Variants in ADGRG6 observed in about 807,000 individuals in gnomAD.
ADGRG6 encodes adhesion G protein-coupled receptor G6, also known as G-protein coupled receptor 126.
A neutral mutation model predicts 142.4 loss-of-function variants in ADGRG6; 84 were observed. The observed-to-expected ratio is 0.59, with a 90% confidence interval of 0.49 to 0.71. ADGRG6 has a LOEUF of 0.71. Ranked by LOEUF, ADGRG6 falls within the 30% of genes least tolerant of loss-of-function variation. The probability of loss-of-function intolerance (pLI) is 0.00; values close to 1 mark genes in which losing one functional copy is unlikely to be tolerated. For missense variants in ADGRG6, 1,367 were observed against 1,466.6 expected, an observed-to-expected ratio of 0.93 and a Z score of 1.11; for synonymous variants, 521 against 520.5, an observed-to-expected ratio of 1.00 and a Z score of -0.01.
intron 2 of ADGRG6, among the ~76,000 whole-genome samples, chr6:142,331,279 T>G (rs9403380): frequency 5.9e-5 from 9 of 151,832 alleles, no homozygotes; most frequent in African/African-American, 2.2e-4. Context: ...GCCCCTCCCC[T>G]CTGAATCTTA....
chr6:142,418,995 C>G (rs770526313), intron 21 of ADGRG6, among the ~76,000 whole-genome samples: 7 of 152,054 alleles, frequency 4.6e-5, no homozygotes, highest in Non-Finnish European at 8.8e-5. Flanking sequence ...TTCTCCATGT[C>G]ACTGGGATAT....
rs984877915 is a variant in ADGRG6 at position 142,371,699 on chromosome 6, A to C, written c.1069+906A>C. Among the ~76,000 whole-genome samples the C allele has an allele frequency of 2.0e-5, 3 of 151,776 alleles. No individual in the cohort carries two copies. In the South Asian group the frequency reaches 6.2e-4, roughly 32 times the overall value. The stretch of plus-strand genomic sequence containing the variant: ...ATGGGGTTTCACTGTGTTAGCCAGG[A>C]TGGTCTCAATCTCCTGACCTCGTGA... On this transcript the variant is annotated intron_variant, in intron 4 of 24. Transcript: ENST00000367609.
chr6:142,358,140 G>A (rs1387222314), intron 2 of ADGRG6, among the ~76,000 whole-genome samples: 1 of 152,164 alleles, frequency 6.6e-6, no homozygotes, highest in Non-Finnish European at 1.5e-5. Context: ...CTCTACTTAT[G>A]TTGGTAGTGT....
chr6:142,378,804 T>C (rs1781616477), intron 4 of ADGRG6, among the ~76,000 whole-genome samples: 1 of 152,190 alleles, frequency 6.6e-6, no homozygotes, highest in Non-Finnish European at 1.5e-5. Flanking sequence ...GTCTTCTCAT[T>C]CTTTATAATT....
intron 17 of ADGRG6, 110 bp from the exon 18 acceptor site, chr6:142,411,195 A>T (rs1376229133): frequency 1.5e-6 from 1 of 670,210 alleles, no homozygotes; most frequent in Non-Finnish European, 2.8e-6. Flanking sequence ...TTACAGATAA[A>T]CTCTGTATGG....
rs1295107216 is a variant in ADGRG6, at chr6:142,367,652, A to G, written c.187A>G (p.Asn63Asp). 6.2e-7 allele frequency: 1 copy of G among 1,613,766 alleles called. No individual in the cohort carries two copies. The highest frequency in any genetic ancestry group is 1.7e-5 in the Admixed American group (1 of 59,988). Residue 63 changes from asparagine to aspartate, a missense_variant, in exon 3 of 25, where the codon AAC (asparagine) becomes GAC (aspartate). Asn to Asp is a conservative substitution (Grantham distance 23, BLOSUM62 1). Coordinates refer to ENST00000367609, the MANE Select transcript of ADGRG6 (RefSeq NM_198569.3). ...TCCATGCTACCCTAACGACTACCCA[A>G]ACAGCCAGGCTTGCATGTGGACGCT... is the stretch of plus-strand genomic sequence containing the variant. ...TSPCYPNDYP[N>D]SQACMWTLRA...
chr6:142,396,115 A>G (rs1241473500), intron 9 of ADGRG6, among the ~76,000 whole-genome samples: 1 of 152,202 alleles, frequency 6.6e-6, no homozygotes, highest in African/African-American at 2.4e-5. Flanking sequence ...TATCACCCAC[A>G]ATACTTTGGG....
intron 18 of ADGRG6, among the ~76,000 whole-genome samples, chr6:142,414,226 T>C (rs945342608): frequency 1.3e-5 from 2 of 152,072 alleles, no homozygotes; most frequent in South Asian, 4.1e-4. Context: ...TTCTACCAAG[T>C]CCAGACCTGT....
intron 2 of ADGRG6, among the ~76,000 whole-genome samples, chr6:142,325,527 C>G (rs189598435): frequency 6.6e-6 from 1 of 151,938 alleles, no homozygotes; most frequent in African/African-American, 2.4e-5. Flanking sequence ...TCCAAACAAC[C>G]AATTTGGAGC....
intron 2 of ADGRG6, among the ~76,000 whole-genome samples, chr6:142,344,999 A>G (rs931227443): frequency 1.3e-5 from 2 of 152,112 alleles, no homozygotes; most frequent in Non-Finnish European, 2.9e-5. Context: ...GGAATGGGAC[A>G]TAAGGAGAAT....
At chr6:142,428,743 C>T (rs1306184618) in intron 22 of ADGRG6, among the ~76,000 whole-genome samples, 6 of 152,046 alleles carry the variant, frequency 3.9e-5, no homozygotes, top group African/African-American at 1.4e-4. Context: ...GGGAACCATC[C>T]CCATGATCCA....
At chr6:142,437,207 C>T (rs1476737465) in intron 22 of ADGRG6, among the ~76,000 whole-genome samples, 3 of 152,160 alleles carry the variant, frequency 2.0e-5, no homozygotes, top group East Asian at 3.9e-4. Flanking sequence ...CAGGCAAAGA[C>T]AGAATCAGAT....
chr6:142,436,299 G>A (rs1777484048), intron 22 of ADGRG6, among the ~76,000 whole-genome samples: 1 of 152,094 alleles, frequency 6.6e-6, no homozygotes, highest in Non-Finnish European at 1.5e-5. Context: ...AGACCAAGAA[G>A]GAATCCCCAG....
chr6:142,436,593 A>C (rs1472398127), intron 22 of ADGRG6, among the ~76,000 whole-genome samples: 1 of 152,146 alleles, frequency 6.6e-6, no homozygotes, highest in East Asian at 1.9e-4. Context: ...AGCTGGAAGA[A>C]AATTGGAGGT....
At chr6:142,344,781 C>G (rs1194408704) in intron 2 of ADGRG6, among the ~76,000 whole-genome samples, 5 of 151,926 alleles carry the variant, frequency 3.3e-5, no homozygotes, top group African/African-American at 1.2e-4. Flanking sequence ...AAGAGATACA[C>G]AGACACAGCT....
At chr6:142,323,008 T>G (rs544130212) in intron 2 of ADGRG6, among the ~76,000 whole-genome samples, 55 of 152,254 alleles carry the variant, frequency 3.6e-4, no homozygotes, top group African/African-American at 1.2e-3. Flanking sequence ...CTGCCCTGGT[T>G]ACTGACTTGA....
intron 2 of ADGRG6, among the ~76,000 whole-genome samples, chr6:142,309,865 G>C (rs1028649545): frequency 1.3e-5 from 2 of 150,908 alleles, no homozygotes; most frequent in Admixed American, 6.6e-5. Flanking sequence ...TTTCTAATGA[G>C]TTTATTTCTT....
chr6:142,362,271 C>T (rs937931303), intron 2 of ADGRG6, among the ~76,000 whole-genome samples: 11 of 152,190 alleles, frequency 7.2e-5, no homozygotes, highest in Non-Finnish European at 1.6e-4. Context: ...CTTTTGAACT[C>T]ATGCTTAAGT....
rs1205123596 is a variant in ADGRG6 at position 142,393,893 on chromosome 6, T to C, written c.1362-3T>C. On this transcript the variant is annotated splice_region_variant and splice_polypyrimidine_tract_variant and intron_variant, in intron 8 of 24. Coordinates refer to ENST00000367609, the MANE Select transcript of ADGRG6 (RefSeq NM_198569.3). The stretch of plus-strand genomic sequence containing the variant: ...TAATGAATATATGTATTTGTGTTTT[T>C]AGTTTTCACCTGAGTGCTGGAGAGG... The C allele has an allele frequency of 6.5e-7, 1 of 1,541,120 alleles. No individual in the cohort carries two copies. The highest frequency in any genetic ancestry group is 2.4e-5 in the East Asian group (1 of 41,554).
Sources: allele counts gnomAD v4.1 joint callset (sites outside exome capture counted in the v4.1 genomes callset), GRCh38; gene constraint gnomAD v4.1.1; transcripts MANE v1.5; gene names NCBI Gene and HGNC (gene_info 2026-07-23, HGNC 2026-07-21).